CRTC3: variants seen among roughly 807,000 people sequenced by gnomAD.
CRTC3 encodes the protein CREB regulated transcription coactivator 3, also known as CREB-regulated transcription coactivator 3.
In CRTC3, 26 loss-of-function variants were observed where a neutral mutation model predicts 74.5. That is an observed-to-expected ratio of 0.35 (90% CI 0.26 to 0.48). The LOEUF (loss-of-function observed/expected upper bound fraction) is 0.48, where lower values mean the gene tolerates loss of function less well. CRTC3 is among the 20% of genes least tolerant of loss of function. CRTC3 has a pLI of 0.99. For missense variants in CRTC3, 760 were observed against 787.3 expected (o/e 0.97, Z 0.41); for synonymous variants, 377 against 325.8 (o/e 1.16, Z -1.69).
chr15:90,629,839 T>C (rs1218409514), intron 11 of CRTC3, among the ~76,000 whole-genome samples: 1 of 152,122 alleles, frequency 6.6e-6, no homozygotes, highest in Non-Finnish European at 1.5e-5. Flanking sequence ...CTTCTCACCT[T>C]AGTCTTCGGA....
At chr15:90,557,855 G>C (rs148432673) in intron 2 of CRTC3, among the ~76,000 whole-genome samples, 9 of 152,054 alleles carry the variant, frequency 5.9e-5, no homozygotes, top group African/African-American at 1.2e-4. Context: ...TGGCTCCTGC[G>C]TGCCAGAATC....
At chr15:90,632,288 A>G (rs563346414) in intron 11 of CRTC3, among the ~76,000 whole-genome samples, 1 of 151,996 alleles carries the variant, frequency 6.6e-6, no homozygotes, top group South Asian at 2.1e-4. Flanking sequence ...AATTTGTTTA[A>G]TATTTAGATT....
At chr15:90,632,229 A>G (rs1969065611) in intron 11 of CRTC3, among the ~76,000 whole-genome samples, 1 of 152,130 alleles carries the variant, frequency 6.6e-6, no homozygotes, top group African/African-American at 2.4e-5. Context: ...TTTTAGCTAC[A>G]TTTTAAGGAG....
intron 2 of CRTC3, among the ~76,000 whole-genome samples, chr15:90,551,140 C>T (rs941999346): frequency 6.6e-6 from 1 of 152,048 alleles, no homozygotes; most frequent in Non-Finnish European, 1.5e-5. Flanking sequence ...TCACAGAATT[C>T]TCTGACTCAT....
chr15:90,536,851 TG>T lies in CRTC3; in HGVS notation c.133-3186del, dbSNP rs549237976. Among the ~76,000 whole-genome samples the T allele has an allele frequency of 3.4e-3, 518 of 152,192 alleles. 4 individuals are homozygous for T. Among genetic ancestry groups the T allele is most frequent in the African/African-American group, 0.012 (498 of 41,522 alleles). ...ACTTGGCAAACACGATCTAAGGGGG[TG>T]GCCTCTTCTCAGCTTCATCCAGCGA... On this transcript the variant is annotated intron_variant, in intron 1 of 14. Coordinates refer to ENST00000268184, the MANE Select transcript of CRTC3 (RefSeq NM_022769.5).
intron 7 of CRTC3, among the ~76,000 whole-genome samples, chr15:90,615,394 A>G (rs1968466335): frequency 6.6e-6 from 1 of 152,254 alleles, no homozygotes; most frequent in Non-Finnish European, 1.5e-5. Flanking sequence ...TCTAAAAATA[A>G]ACAACTAAAT....
intron 2 of CRTC3, among the ~76,000 whole-genome samples, chr15:90,568,736 A>G (rs1446170769): frequency 1.3e-5 from 2 of 152,170 alleles, no homozygotes; most frequent in African/African-American, 4.8e-5. Context: ...GATACAGCCA[A>G]CTTCGTTGTT....
At chr15:90,595,680 G>C (rs1013164976) in intron 3 of CRTC3, 2 of 151,836 alleles carry the variant, frequency 1.3e-5, no homozygotes, top group Admixed American at 6.6e-5. Flanking sequence ...GTGTGTGTAT[G>C]TATATGTGGC....
intron 2 of CRTC3, among the ~76,000 whole-genome samples, chr15:90,553,915 T>C (rs1325568113): frequency 6.6e-6 from 1 of 152,204 alleles, no homozygotes; most frequent in African/African-American, 2.4e-5. Flanking sequence ...AGTGACAACA[T>C]ATACTTTGCC....
intron 2 of CRTC3, among the ~76,000 whole-genome samples, chr15:90,593,159 C>A (rs1216256467): frequency 6.6e-6 from 1 of 152,038 alleles, no homozygotes; most frequent in Admixed American, 6.6e-5. Context: ...TCTCAAAAAA[C>A]AAACAAACAA....
intron 2 of CRTC3, among the ~76,000 whole-genome samples, chr15:90,588,017 G>T (rs112336328): frequency 6.6e-6 from 1 of 151,902 alleles, no homozygotes; most frequent in South Asian, 2.1e-4. Flanking sequence ...GGAGGCCGAG[G>T]GGGGTGGATC....
At chr15:90,570,411 C>A (rs1967235642) in intron 2 of CRTC3, among the ~76,000 whole-genome samples, 1 of 152,030 alleles carries the variant, frequency 6.6e-6, no homozygotes, top group Non-Finnish European at 1.5e-5. Context: ...CTTTATAGAC[C>A]CTCATTAGAA....
intron 4 of CRTC3, among the ~76,000 whole-genome samples, chr15:90,603,351 G>C (rs1445657931): frequency 2.0e-5 from 3 of 151,254 alleles, no homozygotes; most frequent in African/African-American, 7.3e-5. Flanking sequence ...GCTGAGGCAG[G>C]AGAATGGCGT....
chr15:90,635,118 A>C, intron 11 of CRTC3: 2 of 631,400 alleles, frequency 3.2e-6, no homozygotes, highest in Admixed American at 2.3e-5. Context: ...AATAATTTCC[A>C]TATTTCTTAT....
chr15:90,552,816 C>T (rs189218910), intron 2 of CRTC3, among the ~76,000 whole-genome samples: 104 of 152,244 alleles, frequency 6.8e-4, no homozygotes, highest in African/African-American at 2.4e-3. Flanking sequence ...TGATTCCTTC[C>T]CAAGCATCTA....
chr15:90,540,315 C>T (rs1483346685), intron 2 of CRTC3, among the ~76,000 whole-genome samples, 178 bp downstream of exon 2: 1 of 152,184 alleles, frequency 6.6e-6, no homozygotes, highest in Non-Finnish European at 1.5e-5. Context: ...AGTGTTATTT[C>T]ACAAATGGCT....
At chr15:90,640,055 A>G (rs948328233) in intron 13 of CRTC3, among the ~76,000 whole-genome samples, 1 of 151,900 alleles carries the variant, frequency 6.6e-6, no homozygotes, top group African/African-American at 2.4e-5. Context: ...TCTCAAAATA[A>G]GTAAATAAAA....
At chr15:90,635,176 C>G (rs1464307164) in intron 11 of CRTC3, 2 of 547,396 alleles carry the variant, frequency 3.7e-6, no homozygotes, top group Non-Finnish European at 6.5e-6. Flanking sequence ...AAAATTGTTT[C>G]CTTGTACTGA....
intron 13 of CRTC3, among the ~76,000 whole-genome samples, chr15:90,639,861 C>A (rs1969376830): frequency 6.6e-6 from 1 of 151,492 alleles, no homozygotes; most frequent in African/African-American, 2.4e-5. Context: ...TCCTGGCTAA[C>A]ACGGTGAAAC....
Sources: gnomAD v4.1 joint callset for allele counts (sites outside exome capture counted in the v4.1 genomes callset) on GRCh38, gnomAD v4.1.1 for gene constraint, MANE v1.5 for transcripts, NCBI Gene and HGNC (gene_info 2026-07-23, HGNC 2026-07-21) for gene names.